Variants in DAB1 observed in about 807,000 individuals in gnomAD.
DAB1 encodes DAB adaptor protein 1.
Under a neutral mutation model 64.6 loss-of-function variants are expected in DAB1, and 15 were observed. The ratio of observed to expected loss-of-function variants is 0.23; its 90% confidence interval spans 0.16 to 0.36. DAB1 has a LOEUF of 0.36. Ranked by LOEUF, DAB1 falls within the 10% of genes least tolerant of loss-of-function variation. DAB1 has a pLI of 1.00. For missense variants in DAB1, 596 were observed against 706.7 expected (o/e 0.84, Z 1.78); for synonymous variants, 235 against 251.9 (o/e 0.93, Z 0.64).
intron 3 of DAB1, chr1:58,462,926 G>A (rs1171638603): frequency 6.6e-6 from 1 of 152,134 alleles, no homozygotes; most frequent in East Asian, 1.9e-4. Context: ...CGTTCTTATT[G>A]TTATAACCTC....
chr1:58,286,526 C>G (rs1178547573), intron 4 of DAB1, among the ~76,000 whole-genome samples: 1 of 152,156 alleles, frequency 6.6e-6, no homozygotes. Flanking sequence ...AGACACTTCT[C>G]AAAAGAAGAC....
chr1:57,220,750 C>A lies in DAB1; in HGVS notation c.67+70214G>T, dbSNP rs551335325. Among the ~76,000 whole-genome samples, 19 of 152,298 alleles carry A rather than the reference C, an allele frequency of 1.2e-4. No homozygotes were observed. In the South Asian group the frequency reaches 3.9e-3, roughly 32 times the overall value. On this transcript the variant is annotated intron_variant, in intron 2 of 14. Coordinates refer to ENST00000371236, the MANE Select transcript of DAB1 (RefSeq NM_001365792.1). Reference sequence around the variant, plus strand: ...TGGCGATCATTAAAAAGTCAGGAAACAACAGGTGCTGGAGAGGATGTGGAG... The same window carrying A: ...TGGCGATCATTAAAAAGTCAGGAAAAAACAGGTGCTGGAGAGGATGTGGAG...
At chr1:57,801,683 G>T (rs185087468) in intron 6 of DAB1, among the ~76,000 whole-genome samples, 2 of 151,030 alleles carry the variant, frequency 1.3e-5, no homozygotes, top group African/African-American at 4.9e-5. Flanking sequence ...TTTGAGACAC[G>T]ATCTTACTGT....
intron 4 of DAB1, among the ~76,000 whole-genome samples, chr1:58,257,795 T>C (rs544652812): frequency 6.6e-6 from 1 of 152,252 alleles, no homozygotes; most frequent in Non-Finnish European, 1.5e-5. Context: ...CCTCAGAGAA[T>C]TGAAGTGACC....
At chr1:58,085,119 T>C (rs1432553255) in intron 5 of DAB1, among the ~76,000 whole-genome samples, 1 of 152,136 alleles carries the variant, frequency 6.6e-6, no homozygotes, top group African/African-American at 2.4e-5. Context: ...TTTTTATAGG[T>C]GATGTTGGCT....
intron 5 of DAB1, among the ~76,000 whole-genome samples, chr1:58,020,742 G>A (rs1646803781): frequency 1.3e-5 from 2 of 152,296 alleles, no homozygotes; most frequent in African/African-American, 2.4e-5. Flanking sequence ...GGTGGCTCAC[G>A]CCTGTAATCC....
rs200688727 is a variant in DAB1, at chr1:57,757,220, T to TTTTTTTTTTTTTG, written n.552-107556_552-107555insCAAAAAAAAAAAA. ...AGAATTTTTTTTTTTTTTTTTTTTT[T>TTTTTTTTTTTTTG]AGCAGCAATGATGGAGGCTAACAGC... On this transcript the variant is annotated intron_variant and non_coding_transcript_variant, in intron 6 of 20. Transcript: ENST00000485760. 2.8e-3 allele frequency among the ~76,000 whole-genome samples: 333 copies of TTTTTTTTTTTTTG among 120,124 alleles called. 25 individuals carry two copies. Among genetic ancestry groups the TTTTTTTTTTTTTG allele is most frequent in the Admixed American group, 4.1e-3 (42 of 10,340 alleles). The allele number at this position is 120,124 out of a possible 152,430, so 78.8% of individuals were successfully genotyped here.
chr1:57,253,885 C>A (rs1365568882), intron 2 of DAB1, among the ~76,000 whole-genome samples: 2 of 152,282 alleles, frequency 1.3e-5, no homozygotes, highest in East Asian at 3.9e-4. Flanking sequence ...TAAAACATTT[C>A]TTTTATCCCA....
At chr1:57,055,421 C>T (rs1396379762) in intron 9 of DAB1, among the ~76,000 whole-genome samples, 1 of 152,094 alleles carries the variant, frequency 6.6e-6, no homozygotes, top group African/African-American at 2.4e-5. Flanking sequence ...GGATGATAAC[C>T]ACAGCTGAGC....
At chr1:57,074,683 C>T (rs779535635) in intron 4 of DAB1, among the ~76,000 whole-genome samples, 1 of 152,140 alleles carries the variant, frequency 6.6e-6, no homozygotes, top group African/African-American at 2.4e-5. Context: ...TCACACTTGC[C>T]CAGGCTGCCC....
intron 3 of DAB1, among the ~76,000 whole-genome samples, chr1:58,376,320 C>T (rs1189493784): frequency 7.2e-6 from 1 of 139,246 alleles, no homozygotes; most frequent in Non-Finnish European, 1.6e-5. Flanking sequence ...GCATTTAGTG[C>T]TATAAATTTC....
At position 57,481,007 on chromosome 1, in the gene DAB1, C is replaced by T. The variant is rs1644011964; in HGVS notation, n.625+168585G>A. Among the ~76,000 whole-genome samples, 3 of 152,152 alleles carry T rather than the reference C, an allele frequency of 2.0e-5. No individual in the cohort carries two copies. In the South Asian group the frequency reaches 6.2e-4, roughly 32 times the overall value. Reference sequence around the variant, plus strand: ...AACAAGGCCTATAAATCAGCACAACCTACTAGAAAAGCGAGAACTTATGAC... The same window carrying T: ...AACAAGGCCTATAAATCAGCACAACTTACTAGAAAAGCGAGAACTTATGAC... On this transcript the variant is annotated intron_variant and non_coding_transcript_variant, in intron 7 of 20. Coordinates refer to the DAB1 transcript ENST00000485760.
chr1:58,384,630 G>A (rs934729899), intron 3 of DAB1, among the ~76,000 whole-genome samples: 20 of 152,172 alleles, frequency 1.3e-4, no homozygotes, highest in African/African-American at 4.8e-4. Context: ...CTGTCTGTCT[G>A]CAAGCTGAGG....
At chr1:57,685,321 A>G (rs1646683447) in intron 6 of DAB1, among the ~76,000 whole-genome samples, 1 of 151,952 alleles carries the variant, frequency 6.6e-6, no homozygotes, top group Non-Finnish European at 1.5e-5. Context: ...AAAAAATGGT[A>G]TTACATAATG....
intron 4 of DAB1, among the ~76,000 whole-genome samples, chr1:57,114,794 A>C (rs1307436452): frequency 6.6e-6 from 1 of 152,174 alleles, no homozygotes; most frequent in African/African-American, 2.4e-5. Context: ...CTAAAATCAG[A>C]GTGAGATGAG....
At chr1:57,917,286 G>C (rs1314519013) in intron 5 of DAB1, among the ~76,000 whole-genome samples, 1 of 152,174 alleles carries the variant, frequency 6.6e-6, no homozygotes, top group Non-Finnish European at 1.5e-5. Flanking sequence ...GGGAGGTCTT[G>C]GCTTGAGGTG....
At chr1:57,386,366 G>GAAAAAA (rs5774342) in intron 1 of DAB1, among the ~76,000 whole-genome samples, 161 of 113,332 alleles carry the variant, frequency 1.4e-3, no homozygotes, top group Middle Eastern at 4.5e-3. Flanking sequence ...GGCCCCTTGG[G>GAAAAAA]AAAAAAAAAA....
rs934604438 is a variant in DAB1, at chr1:57,090,944, T to A, written c.307-18530A>T. ...GTGAACTGCGTGCCAGAGATCTACGTTGCACACTCCTTACGAGAATCTAAT... is the reference window on the plus strand; with the variant it reads ...GTGAACTGCGTGCCAGAGATCTACGATGCACACTCCTTACGAGAATCTAAT... On this transcript the variant is annotated intron_variant, in intron 4 of 14. Transcript: ENST00000371236. Among the ~76,000 whole-genome samples, 4 of 152,248 alleles carry A rather than the reference T, an allele frequency of 2.6e-5. No individual in the cohort carries two copies. In the East Asian group the frequency reaches 5.8e-4, roughly 22 times the overall value.
chr1:58,247,856 T>C (rs892937843), intron 4 of DAB1, among the ~76,000 whole-genome samples: 4 of 150,644 alleles, frequency 2.7e-5, no homozygotes, highest in African/African-American at 9.8e-5. Flanking sequence ...TGGTTGTATT[T>C]GAAGACTTAA....
Sources: gnomAD v4.1 joint callset for allele counts (sites outside exome capture counted in the v4.1 genomes callset) on GRCh38, gnomAD v4.1.1 for gene constraint, MANE v1.5 for transcripts, NCBI Gene and HGNC (gene_info 2026-07-23, HGNC 2026-07-21) for gene names.